The following ZNF43 variants were observed in gnomAD, a reference collection of about 807,000 sequenced individuals.
ZNF43 encodes the protein zinc finger protein 39-like 1 (KOX 27).
A neutral mutation model predicts 68.4 loss-of-function variants in ZNF43; 44 were observed. The ratio of observed to expected loss-of-function variants is 0.64; its 90% CI spans 0.51 to 0.83. The LOEUF (loss-of-function observed/expected upper bound fraction) is 0.83. ZNF43 is among the 40% of genes least tolerant of loss of function. ZNF43 has a pLI of 0.00. For missense variants in ZNF43, 896 were observed against 933.2 expected, an observed-to-expected ratio of 0.96 and a Z score of 0.52; for synonymous variants, 308 against 307.8, an observed-to-expected ratio of 1.00 and a Z score of -0.01.
intron 1 of ZNF43, 101 bp downstream of exon 1, chr19:21,835,935 C>T: frequency 1.9e-6 from 3 of 1,593,824 alleles, no homozygotes; most frequent in Non-Finnish European, 2.6e-6. Flanking sequence ...CCGAGCTGGG[C>T]AAGAACTCCG....
intron 1 of ZNF43, among the ~76,000 whole-genome samples, chr19:21,845,773 A>T (rs985464031): frequency 2.0e-5 from 3 of 151,884 alleles, no homozygotes; most frequent in Admixed American, 2.0e-4. Flanking sequence ...CATGCCTGTG[A>T]TCCCAGCTAC....
At position 21,809,271 on chromosome 19, in the gene ZNF43, T is replaced by C. The variant is rs749424567; in HGVS notation, c.766A>G (p.Lys256Glu). 1.2e-6 allele frequency: 2 copies of C among 1,613,738 alleles called. No homozygotes were observed. The highest frequency in any genetic ancestry group is 1.7e-6 in the Non-Finnish European group (2 of 1,179,870). Residue 256 changes from lysine (K) to glutamate (E), a missense_variant, in exon 4 of 4, where the codon AAA becomes GAA. Lys to Glu is a moderately conservative substitution (Grantham distance 56). Transcript: ENST00000354959. Reference sequence around the variant, plus strand: ...CCACATTCTTCACATTTGTAGAGTTTGTATCTAGTATAATTTTTTTTATGT... The same window carrying C: ...CCACATTCTTCACATTTGTAGAGTTCGTATCTAGTATAATTTTTTTTATGT... ...TTHKKNYTRY[K>E]LYKCEECGKA...
At chr19:21,852,011 T>C (rs560757639) in exon 1 of ZNF43, 223 of 1,479,734 alleles carry the variant, frequency 1.5e-4, no homozygotes, top group Non-Finnish European at 2.0e-4. Flanking sequence ...GATTCCCGAG[T>C]TGGAGAACGC....
intron 1 of ZNF43, among the ~76,000 whole-genome samples, chr19:21,847,763 A>G (rs1206857405): frequency 6.6e-6 from 1 of 151,996 alleles, no homozygotes; most frequent in Non-Finnish European, 1.5e-5. Context: ...ACAAAGCTCC[A>G]TGTAGGCAGG....
intron 1 of ZNF43, chr19:21,843,014 G>A (rs1024704047): frequency 6.6e-6 from 1 of 152,092 alleles, no homozygotes; most frequent in African/African-American, 2.4e-5. Flanking sequence ...AAATAGATGG[G>A]TCCAGAAATA....
rs1802765477 is a variant in ZNF43 at position 21,808,032 on chromosome 19, T to TA, written c.2004dup (p.Lys669Ter). Reference sequence around the variant, plus strand: ...GGTTTCTCTCCAGTATGAATTATCTTATGTTTAGTAAGGGTTGAGGACCAC... The same window carrying TA: ...GGTTTCTCTCCAGTATGAATTATCTTAATGTTTAGTAAGGGTTGAGGACCAC... On this transcript the variant is annotated frameshift_variant, in exon 4 of 4. Transcript: ENST00000354959. LOFTEE classifies it high-confidence loss of function. The TA allele has an allele frequency of 6.2e-7, 1 of 1,612,824 alleles. No individual in the cohort carries two copies. Among genetic ancestry groups the TA allele is most frequent in the Non-Finnish European group, 8.5e-7 (1 of 1,179,916 alleles).
intron 3 of ZNF43, chr19:21,812,092 T>C (rs2037301975): frequency 1.3e-5 from 5 of 397,818 alleles, no homozygotes; most frequent in Non-Finnish European, 1.8e-5. Context: ...AAATCACATG[T>C]GATATTCCTT....
rs201696193 is a variant in ZNF43, at chr19:21,809,159, T to C, written c.878A>G (p.Lys293Arg). 1.2e-6 allele frequency: 2 copies of C among 1,613,462 alleles called. No homozygotes were observed. The highest frequency in any genetic ancestry group is 2.7e-5 in the African/African-American group (2 of 74,912). Residue 293 changes from lysine to arginine, a missense_variant, in exon 4 of 4, where the codon AAA becomes AGA. Physicochemically the swap from Lys to Arg is conservative, Grantham distance 26 (BLOSUM62 2). Coordinates refer to ENST00000354959, the MANE Select transcript of ZNF43 (RefSeq NM_003423.4). ...EKFYKCKECA[K>R]AFNQSSNLTE... ...AAGGTTTGAGGATTGGTTAAAAGCT[T>C]TGGCACATTCTTTACATTTGTAGAA...
At chr19:21,848,304 T>C (rs1968104815) in intron 1 of ZNF43, among the ~76,000 whole-genome samples, 1 of 151,884 alleles carries the variant, frequency 6.6e-6, no homozygotes, top group Non-Finnish European at 1.5e-5. Context: ...CCACCACACG[T>C]GGCTAATTTT....
At chr19:21,842,065 C>T (rs1967574201) in intron 1 of ZNF43, among the ~76,000 whole-genome samples, 1 of 151,930 alleles carries the variant, frequency 6.6e-6, no homozygotes, top group East Asian at 2.0e-4. Flanking sequence ...CTAACTGAAA[C>T]CTGTAGTAGG....
intron 1 of ZNF43, among the ~76,000 whole-genome samples, chr19:21,819,743 A>G (rs1215307901): frequency 6.6e-6 from 1 of 152,232 alleles, no homozygotes; most frequent in Non-Finnish European, 1.5e-5. Flanking sequence ...TCAAACATCC[A>G]GTAAATGGAA....
In ZNF43 at chr19:21,844,940, A is replaced by ATG. The variant is rs1967844002; in HGVS notation, c.30+6964_30+6965insCA. On this transcript the variant is annotated intron_variant, in intron 1 of 3. Transcript: ENST00000357491. ...AAAAAAAATATATATATATATATAT[A>ATG]TATATATGTTACAATGTTACAATTA... Among the ~76,000 whole-genome samples the ATG allele has an allele frequency of 3.0e-5, 4 of 135,078 alleles. 1 individual carries two copies. Among genetic ancestry groups the ATG allele is most frequent in the Non-Finnish European group, 6.2e-5 (4 of 65,004 alleles). The allele number at this position is 135,078 out of a possible 152,430, so 88.6% of individuals were successfully genotyped here.
upstream of ZNF43, among the ~76,000 whole-genome samples, chr19:21,836,602 T>C (rs1175047515): frequency 6.6e-6 from 1 of 152,236 alleles, no homozygotes; most frequent in Non-Finnish European, 1.5e-5. Flanking sequence ...GTTTTTCTTA[T>C]TCTTGAGAGG....
intron 1 of ZNF43, chr19:21,827,318 T>C (rs2145282810): frequency 6.6e-6 from 1 of 152,188 alleles, no homozygotes; most frequent in Admixed American, 6.6e-5. Context: ...TCATATAGTG[T>C]AATATATTCA....
At chr19:21,841,182 C>T (rs1967504465), upstream of ZNF43, 1 of 152,240 alleles carries the variant, frequency 6.6e-6, no homozygotes, top group South Asian at 2.1e-4. Context: ...GCTACCAGCA[C>T]CAGTATCTCT....
Position 21,809,535 on chromosome 19 carries a change from G to A in ZNF43, c.502C>T (p.His168Tyr). 6.2e-7 allele frequency: 1 copy of A among 1,613,284 alleles called. No homozygotes were observed. The highest frequency in any genetic ancestry group is 1.1e-5 in the South Asian group (1 of 91,026). ...FSNSNRHKIS[H>Y]TEKKLFKCKE... ...CATTTGAAAAGTTTTTTTTCAGTAT[G>A]GCTTATCTTATGTCTGTTTGAATTT... is the stretch of plus-strand genomic sequence containing the variant. Residue 168 changes from histidine to tyrosine, a missense_variant, in exon 4 of 4, where the codon CAT becomes TAT. His to Tyr is a moderately conservative substitution (Grantham distance 83). Transcript: ENST00000354959.
chr19:21,836,867 T>C (rs1423625428), upstream of ZNF43, among the ~76,000 whole-genome samples: 2 of 152,210 alleles, frequency 1.3e-5, no homozygotes, highest in Non-Finnish European at 2.9e-5. Flanking sequence ...ACTGGGATTA[T>C]AGGCATGAAC....
intron 1 of ZNF43, among the ~76,000 whole-genome samples, chr19:21,850,675 G>A (rs556536750): frequency 6.6e-6 from 1 of 152,304 alleles, no homozygotes; most frequent in East Asian, 1.9e-4. Context: ...GAAAAAAGGA[G>A]AGTCACATAA....
chr19:21,832,770 GAGA>G (rs201919258), intron 1 of ZNF43, among the ~76,000 whole-genome samples: 2,965 of 152,258 alleles, frequency 0.019, 84 homozygotes, highest in African/African-American at 0.062. Flanking sequence ...GAGGCTGAGG[GAGA>G]AGAATTGCTT....
Sources: gnomAD v4.1 joint callset for allele counts (sites outside exome capture counted in the v4.1 genomes callset) on GRCh38, gnomAD v4.1.1 for gene constraint, MANE v1.5 for transcripts, NCBI Gene and HGNC (gene_info 2026-07-23, HGNC 2026-07-21) for gene names.